The following EVC2 variants were observed in gnomAD, a reference collection of about 807,000 sequenced individuals.
The protein encoded by EVC2 is EvC ciliary complex subunit 2, also known as limbin.
A neutral mutation model predicts 149.3 loss-of-function variants in EVC2; 148 were observed. The ratio of observed to expected loss-of-function variants is 0.99; its 90% CI spans 0.87 to 1.14. The LOEUF is 1.14. EVC2 is among the 50% of genes most tolerant of loss of function. EVC2 has a pLI of 0.00. For missense variants in EVC2, 1,854 were observed against 1,627.3 expected (o/e 1.14, Z -2.40); for synonymous variants, 776 against 649.9 (o/e 1.19, Z -2.95).
the EVC2 span, among the ~76,000 whole-genome samples, chr4:5,530,320 A>G: frequency 6.6e-6 from 1 of 152,184 alleles, no homozygotes; most frequent in South Asian, 2.1e-4. Flanking sequence ...TCAAGGGGCC[A>G]TGGGGCCTAA....
intron 16 of EVC2, among the ~76,000 whole-genome samples, chr4:5,595,802 G>C (rs1030107738): frequency 6.6e-6 from 1 of 152,210 alleles, no homozygotes; most frequent in Non-Finnish European, 1.5e-5. Flanking sequence ...AGACCCATCT[G>C]TGTGCTGTAT....
rs1225175260 is a variant in EVC2 at position 5,628,543 on chromosome 4, C to A, written c.1886+16G>T. On this transcript the variant is annotated intron_variant, in intron 12 of 21. Transcript: ENST00000344408. ...ACTAAGACAGTTCGCACTGTTGGGA[C>A]AGTGTTGAGTGGTACCTCTCGTGCT... is the stretch of plus-strand genomic sequence containing the variant. 1.2e-6 allele frequency: 2 copies of A among 1,614,050 alleles called. No homozygotes were observed. The highest frequency in any genetic ancestry group is 8.5e-7 in the Non-Finnish European group (1 of 1,180,008).
At chr4:5,683,521 T>C (rs991822241) in intron 6 of EVC2, among the ~76,000 whole-genome samples, 1 of 152,226 alleles carries the variant, frequency 6.6e-6, no homozygotes, top group Non-Finnish European at 1.5e-5. Flanking sequence ...GGTTCTCTTT[T>C]TGGCCCTGGA....
At chr4:5,664,898 C>T (rs1054885912) in intron 8 of EVC2, among the ~76,000 whole-genome samples, 7 of 149,922 alleles carry the variant, frequency 4.7e-5, no homozygotes, top group African/African-American at 1.7e-4. Context: ...TGATGGGGTA[C>T]GTGTGGGTGA....
chr4:5,628,879 C>A, intron 11 of EVC2, 145 bp from the exon 12 acceptor site: 2 of 845,116 alleles, frequency 2.4e-6, no homozygotes, highest in Non-Finnish European at 1.8e-6. Context: ...AACCTCCCTG[C>A]CTGTAACAAA....
chr4:5,600,476 T>C (rs1713888432), intron 16 of EVC2, among the ~76,000 whole-genome samples: 1 of 152,212 alleles, frequency 6.6e-6, no homozygotes, highest in African/African-American at 2.4e-5. Flanking sequence ...ACAGTGGAGA[T>C]GCCTAGTGAA....
chr4:5,704,618 G>T (rs1722023032), intron 1 of EVC2, among the ~76,000 whole-genome samples: 1 of 152,134 alleles, frequency 6.6e-6, no homozygotes, highest in South Asian at 2.1e-4. Flanking sequence ...ACTGAGTCCT[G>T]GGGTGCTCCG....
intron 16 of EVC2, among the ~76,000 whole-genome samples, chr4:5,598,321 C>A (rs1476915670): frequency 6.6e-6 from 1 of 151,482 alleles, no homozygotes; most frequent in Non-Finnish European, 1.5e-5. Flanking sequence ...TCAAACTATA[C>A]TACAAGGCTA....
intron 16 of EVC2, among the ~76,000 whole-genome samples, chr4:5,604,252 G>A (rs182468944): frequency 7.9e-5 from 12 of 152,276 alleles, no homozygotes; most frequent in Admixed American, 3.9e-4. Context: ...ATGCTATGCC[G>A]CTGTGAAAAG....
At chr4:5,655,199 G>C (rs528282899) in intron 9 of EVC2, among the ~76,000 whole-genome samples, 1 of 152,278 alleles carries the variant, frequency 6.6e-6, no homozygotes, top group South Asian at 2.1e-4. Context: ...GTCATGTCAG[G>C]TGCTGCGCAG....
At chr4:5,643,702 C>G (rs1404990811) in intron 9 of EVC2, among the ~76,000 whole-genome samples, 2 of 152,140 alleles carry the variant, frequency 1.3e-5, no homozygotes, top group Admixed American at 1.3e-4. Flanking sequence ...GGGTGGATCA[C>G]TTGAGGCCAG....
chr4:5,572,767 G>A (rs1722710010), intron 19 of EVC2, among the ~76,000 whole-genome samples: 2 of 152,194 alleles, frequency 1.3e-5, no homozygotes, highest in Non-Finnish European at 2.9e-5. Context: ...GGTGACACTG[G>A]CTTTCTGTGA....
intron 6 of EVC2, among the ~76,000 whole-genome samples, chr4:5,682,272 C>A (rs182082340): frequency 2.0e-4 from 31 of 152,164 alleles, no homozygotes; most frequent in Admixed American, 1.8e-3. Flanking sequence ...AAGTGGATCA[C>A]CTGAGGTCAG....
chr4:5,608,811 G>A (rs1714600978), intron 16 of EVC2, among the ~76,000 whole-genome samples: 1 of 152,122 alleles, frequency 6.6e-6, no homozygotes, highest in African/African-American at 2.4e-5. Flanking sequence ...GGGATTACAG[G>A]CATGAGCCAC....
chr4:5,585,783 T>C (rs1005768448), intron 16 of EVC2, among the ~76,000 whole-genome samples: 2 of 152,174 alleles, frequency 1.3e-5, no homozygotes, highest in Non-Finnish European at 2.9e-5. Context: ...TCAGCTACAA[T>C]TGACAAGTCT....
chr4:5,620,218 G>C (rs1161214341), intron 14 of EVC2, among the ~76,000 whole-genome samples: 1 of 152,138 alleles, frequency 6.6e-6, no homozygotes, highest in Non-Finnish European at 1.5e-5. Flanking sequence ...CTTGTGCAAG[G>C]CCTTTGCCCC....
rs1456027789 is a variant in EVC2 at position 5,565,148 on chromosome 4, GT to G, written c.3659+109del. ...GTGGTCTTCAGGGTCACAAATCTTT[GT>G]CTGTTTGCAGCAACCTCCTTTCCTT... is the stretch of plus-strand genomic sequence containing the variant. On this transcript the variant is annotated intron_variant, in intron 21 of 21. Coordinates refer to ENST00000344408, the MANE Select transcript of EVC2 (RefSeq NM_147127.5). 6 of 1,010,240 alleles carry G rather than the reference GT, an allele frequency of 5.9e-6. No homozygotes were observed. In the African/African-American group the frequency reaches 7.9e-5, roughly 13 times the overall value. The allele number at this position is 1,010,240 out of a possible 1,614,324, so 62.6% of individuals were successfully genotyped here. A position where few individuals can be genotyped will look rare whatever the true frequency, so the allele number is the denominator to read the frequency against.
At chr4:5,694,204 C>G in intron 3 of EVC2, 131 bp downstream of exon 3, 1 of 894,602 alleles carries the variant, frequency 1.1e-6, no homozygotes, top group Non-Finnish European at 1.8e-6. Context: ...CCAGTGATAA[C>G]TATATTTAGT....
At chr4:5,566,871 C>G (rs1722321877) in intron 20 of EVC2, among the ~76,000 whole-genome samples, 1 of 152,162 alleles carries the variant, frequency 6.6e-6, no homozygotes, top group Non-Finnish European at 1.5e-5. Context: ...GTTCCTACTC[C>G]AGAGTCACCT....
Sources: allele counts gnomAD v4.1 joint callset (sites outside exome capture counted in the v4.1 genomes callset), GRCh38; gene constraint gnomAD v4.1.1; transcripts MANE v1.5; gene names NCBI Gene and HGNC (gene_info 2026-07-23, HGNC 2026-07-21).